The following KCNC1 variants were observed in gnomAD, a reference collection of about 807,000 sequenced individuals.
KCNC1 encodes the protein potassium voltage-gated channel subfamily C member 1, also known as voltage-gated potassium channel KCNC1.
A neutral mutation model predicts 43.4 loss-of-function variants in KCNC1; 8 were observed. The observed-to-expected ratio is 0.18, with a 90% CI of 0.11 to 0.33. KCNC1 has a LOEUF of 0.33. KCNC1 is among the 10% of genes least tolerant of loss of function. The probability of loss-of-function intolerance (pLI) is 1.00; values close to 1 mark genes in which losing one functional copy is unlikely to be tolerated. For missense variants in KCNC1, 420 were observed against 836.0 expected (o/e 0.50, Z 6.14); for synonymous variants, 361 against 360.5 (o/e 1.00, Z -0.01).
rs1218253308 is a variant in KCNC1 at position 17,739,398 on chromosome 11, T to G, written c.570+2826T>G. 8.0e-6 allele frequency among the ~76,000 whole-genome samples: 1 copy of G among 125,478 alleles called. No homozygotes were observed. Among genetic ancestry groups the G allele is most frequent in the African/African-American group, 3.0e-5 (1 of 33,544 alleles). 82.3% of individuals were successfully genotyped at this position (125,478 alleles called of 152,430 possible). On this transcript the variant is annotated intron_variant, in intron 1 of 3. Transcript: ENST00000265969. This position sits in a 1 kb window ranked among gnomAD's most constrained non-coding sequence, Gnocchi z 4.2. ...GTGTGTGTGTGTGTGTGTGTGTGTGTGGTGAGACTGCGACTCTGTGCGAGC... is the reference window on the plus strand; with the variant it reads ...GTGTGTGTGTGTGTGTGTGTGTGTGGGGTGAGACTGCGACTCTGTGCGAGC...
Position 17,772,177 on chromosome 11 carries a change from C to T in KCNC1, c.1083C>T (p.Thr361=), listed in dbSNP as rs1849237114. The T allele has an allele frequency of 6.2e-7, 1 of 1,614,132 alleles. No homozygotes were observed. The highest frequency in any genetic ancestry group is 8.5e-7 in the Non-Finnish European group (1 of 1,180,030). The change falls in exon 2 of 4, where the codon ACC becomes ACT. Residue 361 remains threonine, a synonymous_variant. Transcript: ENST00000265969. ...CCTTGGGCGTGCTGATCTTCGCCAC[C>T]ATGATCTACTACGCCGAGAGGATAG... ...FLALGVLIFA[T]MIYYAERIGA...
intron 1 of KCNC1, among the ~76,000 whole-genome samples, chr11:17,757,786 T>C (rs1413762200): frequency 6.6e-6 from 1 of 152,272 alleles, no homozygotes; most frequent in Non-Finnish European, 1.5e-5. Context: ...GTACATATCT[T>C]AATTTTTAAA....
At position 17,777,613 on chromosome 11, in the gene KCNC1, G is replaced by C; in HGVS notation, c.1505-1843G>C. 2 of 985,812 alleles carry C rather than the reference G, an allele frequency of 2.0e-6. No homozygotes were observed. Among genetic ancestry groups the C allele is most frequent in the Non-Finnish European group, 2.4e-6 (2 of 829,926 alleles). The allele number at this position is 985,812 out of a possible 1,614,324, so 61.1% of individuals were successfully genotyped here. ...TGCCCCAAGACCCCAGAGACGCCCC[G>C]GCCCCAGTCACATGGTGTCAGAGTT... On this transcript the variant is annotated intron_variant, in intron 2 of 3. Coordinates refer to ENST00000265969, the MANE Select transcript of KCNC1 (RefSeq NM_001112741.2). The surrounding 1 kb of genome is among the most constrained non-coding windows in gnomAD (Gnocchi z 4.3).
intron 1 of KCNC1, among the ~76,000 whole-genome samples, chr11:17,756,520 AACACACACACAC>A (rs3051818): frequency 1.4e-4 from 20 of 143,988 alleles, no homozygotes; most frequent in East Asian, 6.3e-4. Context: ...CTTCCCTCCA[AACACACACACAC>A]ACACACACAC....
intron 1 of KCNC1, among the ~76,000 whole-genome samples, chr11:17,743,824 G>A (rs1246712018): frequency 3.9e-5 from 6 of 152,150 alleles, no homozygotes; most frequent in East Asian, 3.9e-4. Context: ...TTTGCTGAAC[G>A]TGAAAATCCA....
At chr11:17,756,384 C>A (rs147542688) in intron 1 of KCNC1, among the ~76,000 whole-genome samples, 1 of 152,254 alleles carries the variant, frequency 6.6e-6, no homozygotes, top group Non-Finnish European at 1.5e-5. Flanking sequence ...TTTGCTCACC[C>A]TATACCCAGT....
At chr11:17,778,848 C>T (rs1013958458) in intron 2 of KCNC1, among the ~76,000 whole-genome samples, 4 of 59,644 alleles carry the variant, frequency 6.7e-5, no homozygotes, top group South Asian at 4.8e-4. Context: ...CGGGGGGGTA[C>T]GGGCGCAGGC....
Position 17,779,588 on chromosome 11 carries a change from G to A in KCNC1, c.1637G>A (p.Cys546Tyr), listed in dbSNP as rs1288133993. The change falls in exon 3 of 4, where the codon TGC becomes TAC. Residue 546 changes from cysteine (C) to tyrosine (Y), a missense_variant. Cys to Tyr is a radical substitution (Grantham distance 194). Around this residue, in one of 5 missense-constraint regions of KCNC1, gnomAD observed 147 missense variants for 176.1 expected, o/e 0.83. Transcript: ENST00000265969. The surrounding 1 kb of genome is among the most constrained non-coding windows in gnomAD (Gnocchi z 7.2). ...RSGTRERYGP[C>Y]FLLSTGEYAC... ...GGCACCCGCGAGAGATACGGACCCT[G>A]CTTCCTCTTATCAACCGGGGAGTAC... The A allele has an allele frequency of 1.3e-6, 2 of 1,551,430 alleles. No homozygotes were observed.
At position 17,781,470 on chromosome 11, in the gene KCNC1, C is replaced by G; in HGVS notation, c.1694-200C>G. 1 of 572,510 alleles carries G rather than the reference C, an allele frequency of 1.7e-6. No homozygotes were observed. The allele number at this position is 572,510 out of a possible 1,614,324, so 35.5% of individuals were successfully genotyped here. A position where few individuals can be genotyped will look rare whatever the true frequency, so the allele number is the denominator to read the frequency against. On this transcript the variant is annotated intron_variant, in intron 3 of 3. Transcript: ENST00000265969. This position sits in a 1 kb window ranked among gnomAD's most constrained non-coding sequence, Gnocchi z 5.1. ...GTGCAGAGCAGAAGTAGGGACTCAT[C>G]CCATTCCCCCAGGAGGGAGAGAAAG...
intron 1 of KCNC1, among the ~76,000 whole-genome samples, chr11:17,759,940 G>T (rs1357140763): frequency 6.6e-6 from 1 of 152,158 alleles, no homozygotes; most frequent in African/African-American, 2.4e-5. Context: ...AAAAAAAATT[G>T]CAATATCTGT....
intron 1 of KCNC1, among the ~76,000 whole-genome samples, chr11:17,754,416 A>G (rs948829056): frequency 6.6e-6 from 1 of 152,198 alleles, no homozygotes; most frequent in Non-Finnish European, 1.5e-5. Flanking sequence ...GATTGTGTAC[A>G]TTGCCAGGGT....
At chr11:17,744,304 C>A (rs374049709) in intron 1 of KCNC1, among the ~76,000 whole-genome samples, 2 of 152,202 alleles carry the variant, frequency 1.3e-5, no homozygotes, top group Admixed American at 1.3e-4. Flanking sequence ...TTCTCCTTCT[C>A]TCTCCCAGCC....
chr11:17,763,362 G>C (rs1201633317), intron 1 of KCNC1, among the ~76,000 whole-genome samples: 11 of 152,080 alleles, frequency 7.2e-5, no homozygotes, highest in Non-Finnish European at 1.5e-4. Flanking sequence ...ACCATCTCTG[G>C]CATAGAAAAT....
intron 1 of KCNC1, among the ~76,000 whole-genome samples, chr11:17,751,150 G>T (rs958535424): frequency 6.6e-6 from 1 of 152,218 alleles, no homozygotes; most frequent in African/African-American, 2.4e-5. Flanking sequence ...AGAAGGATTA[G>T]ATCCCAGGTC....
rs1395550750 is a variant in KCNC1 at position 17,771,789 on chromosome 11, A to G, written c.695A>G (p.Gln232Arg). The G allele has an allele frequency of 6.2e-7, 1 of 1,614,226 alleles. No homozygotes were observed. Among genetic ancestry groups the G allele is most frequent in the Admixed American group, 1.7e-5 (1 of 60,034 alleles). The change falls in exon 2 of 4, where the codon CAA becomes CGA. Residue 232 changes from glutamine to arginine, a missense_variant. Physicochemically the swap from Gln to Arg is conservative, Grantham distance 43. Coordinates refer to ENST00000265969, the MANE Select transcript of KCNC1 (RefSeq NM_001112741.2). The surrounding 1 kb of genome is among the most constrained non-coding windows in gnomAD (Gnocchi z 4.7). ...TEIENVRNGTQVRYYREAETE... is the reference protein window; with the variant it reads ...TEIENVRNGTRVRYYREAETE... The stretch of plus-strand genomic sequence containing the variant: ...ATCGAGAACGTTCGCAATGGCACGC[A>G]AGTGCGCTACTACCGGGAGGCCGAG...
rs1228658457 is a variant in KCNC1 at position 17,734,991 on chromosome 11, G to A, written c.-1012G>A. The A allele has an allele frequency of 1.4e-5, 2 of 145,608 alleles. No individual in the cohort carries two copies. Among genetic ancestry groups the A allele is most frequent in the African/African-American group, 2.5e-5 (1 of 40,110 alleles). 9.0% of individuals were successfully genotyped at this position (145,608 alleles called of 1,614,324 possible). A position where few individuals can be genotyped will look rare whatever the true frequency, so the allele number is the denominator to read the frequency against. On this transcript the variant is annotated 5_prime_UTR_variant, in exon 1 of 4. Transcript: ENST00000265969. The stretch of plus-strand genomic sequence containing the variant: ...GGCCGGCAGCGCCCACCGCCTGCCC[G>A]AAGCGAGGAGCGGAGTGCGGGGCGC...
intron 1 of KCNC1, among the ~76,000 whole-genome samples, chr11:17,755,685 G>T (rs1849015653): frequency 6.6e-6 from 1 of 152,128 alleles, no homozygotes; most frequent in South Asian, 2.1e-4. Context: ...GCTGCAGGGG[G>T]TGGGGGTGGC....
chr11:17,741,544 C>G (rs1208496492), intron 1 of KCNC1, among the ~76,000 whole-genome samples: 1 of 152,186 alleles, frequency 6.6e-6, no homozygotes, highest in Admixed American at 6.5e-5. Flanking sequence ...CGGCAGCCCC[C>G]CAGCTGCTCT....
chr11:17,753,839 G>A (rs1382125649), intron 1 of KCNC1, among the ~76,000 whole-genome samples: 2 of 152,170 alleles, frequency 1.3e-5, no homozygotes, highest in African/African-American at 2.4e-5. Context: ...CCGATGCCCA[G>A]ATTCCAGATT....
Sources: gnomAD v4.1 joint callset for allele counts (sites outside exome capture counted in the v4.1 genomes callset) on GRCh38, gnomAD v4.1.1 for gene constraint, gnomAD v4.1.1 regional missense constraint, Gnocchi (gnomAD v3.1) non-coding constraint, MANE v1.5 for transcripts, NCBI Gene and HGNC (gene_info 2026-07-23, HGNC 2026-07-21) for gene names.